TPRX1: variants seen among roughly 807,000 people sequenced by gnomAD.
TPRX1 encodes tetra-peptide repeat homeobox protein 1.
In TPRX1, 2 loss-of-function variants were observed where a neutral mutation model predicts 8.1. That is an observed-to-expected ratio of 0.25 (90% CI 0.10 to 0.78). The LOEUF is 0.78. Among genes scored for constraint, TPRX1 ranks in the 30% least tolerant of loss-of-function variants. The pLI, the probability that TPRX1 is intolerant of heterozygous loss-of-function variation, is 0.70. For synonymous variants in TPRX1, 257 were observed against 254.1 expected (o/e 1.01, Z -0.11); for missense variants, 517 against 586.9 (o/e 0.88, Z 1.23).
At chr19:47,809,758 C>T (rs914143328) in intron 2 of TPRX1, among the ~76,000 whole-genome samples, 11 of 152,114 alleles carry the variant, frequency 7.2e-5, no homozygotes, top group African/African-American at 2.7e-4. Flanking sequence ...CGTCAACACC[C>T]TGCCCACAGA....
At chr19:47,813,367 AC>A (rs1412602076) in intron 2 of TPRX1, among the ~76,000 whole-genome samples, 2 of 151,554 alleles carry the variant, frequency 1.3e-5, no homozygotes, top group Admixed American at 6.6e-5. Context: ...AAAGCCCACG[AC>A]CCCCCCAAAA....
chr19:47,816,813 T>C (rs1967848107), intron 2 of TPRX1, among the ~76,000 whole-genome samples: 1 of 152,082 alleles, frequency 6.6e-6, no homozygotes, highest in Admixed American at 6.6e-5. Context: ...ATTACAGGCG[T>C]GAGCCACCAC....
At chr19:47,811,779 G>A (rs1967786229) in intron 2 of TPRX1, among the ~76,000 whole-genome samples, 1 of 151,820 alleles carries the variant, frequency 6.6e-6, no homozygotes, top group Non-Finnish European at 1.5e-5. Flanking sequence ...TTACAGGCGT[G>A]AGCCACCGCG....
At chr19:47,816,602 G>A (rs1368563942) in intron 2 of TPRX1, among the ~76,000 whole-genome samples, 5 of 145,446 alleles carry the variant, frequency 3.4e-5, no homozygotes, top group Admixed American at 2.2e-4. Context: ...GCACAATCTC[G>A]GCTCACTGCA....
At chr19:47,816,839 A>T (rs1312568461) in intron 2 of TPRX1, among the ~76,000 whole-genome samples, 1 of 152,112 alleles carries the variant, frequency 6.6e-6, no homozygotes, top group African/African-American at 2.4e-5. Flanking sequence ...GCCCACTGTG[A>T]GCTTTTCTTT....
At chr19:47,806,199 G>A (rs1372197847) in intron 2 of TPRX1, among the ~76,000 whole-genome samples, 1 of 149,466 alleles carries the variant, frequency 6.7e-6, no homozygotes, top group Non-Finnish European at 1.5e-5. Flanking sequence ...TCCAGCCTGG[G>A]CAACAGAGTG....
intron 2 of TPRX1, among the ~76,000 whole-genome samples, chr19:47,812,471 T>G (rs1967792619): frequency 6.6e-6 from 1 of 151,904 alleles, no homozygotes; most frequent in Non-Finnish European, 1.5e-5. Flanking sequence ...TGGTGGCTCA[T>G]GCCTGTAATC....
At chr19:47,811,660 A>G (rs940843178) in intron 2 of TPRX1, among the ~76,000 whole-genome samples, 31 of 150,150 alleles carry the variant, frequency 2.1e-4, no homozygotes, top group Non-Finnish European at 3.9e-4. Flanking sequence ...CACCACGCCC[A>G]GCTAATTTTT....
At chr19:47,804,316 A>G (rs954797958) in intron 2 of TPRX1, among the ~76,000 whole-genome samples, 199 bp downstream of exon 1, 2 of 151,934 alleles carry the variant, frequency 1.3e-5, no homozygotes, top group Non-Finnish European at 2.9e-5. Flanking sequence ...TGGCTTCCCA[A>G]AGAGCTGGGA....
intron 2 of TPRX1, among the ~76,000 whole-genome samples, chr19:47,811,293 C>T (rs1409566124): frequency 6.6e-6 from 1 of 151,750 alleles, no homozygotes; most frequent in Non-Finnish European, 1.5e-5. Context: ...TGTGAGCCAC[C>T]GCACCTGGCC....
At chr19:47,807,975 T>C (rs1047019879) in intron 2 of TPRX1, among the ~76,000 whole-genome samples, 21 of 152,206 alleles carry the variant, frequency 1.4e-4, no homozygotes, top group African/African-American at 4.8e-4. Context: ...GTTGCCCAGA[T>C]TGGAGTGCAG....
chr19:47,802,596 T>G (rs1375587753), exon 4 of TPRX1: 5 of 1,548,108 alleles, frequency 3.2e-6, no homozygotes, highest in Non-Finnish European at 4.4e-6. Context: ...GGGCCTGAAA[T>G]TGGGCCTGGG....
At chr19:47,805,282 T>C (rs932333782) in intron 2 of TPRX1, among the ~76,000 whole-genome samples, 2 of 152,166 alleles carry the variant, frequency 1.3e-5, no homozygotes, top group Admixed American at 6.5e-5. Flanking sequence ...GCTCGTGTGC[T>C]GGGTTCACAT....
At chr19:47,815,125 T>TATATATATGCAAATATATATATATGCAA (rs1555800017) in intron 2 of TPRX1, among the ~76,000 whole-genome samples, 1 of 97,430 alleles carries the variant, frequency 1.0e-5, no homozygotes, top group African/African-American at 3.9e-5. Context: ...TATATATATA[T>TATATATATGCAAATATATATATATGCAA]ATATATATAT....
chr19:47,802,789 G>T (rs1967691807), exon 4 of TPRX1: 1 of 1,604,580 alleles, frequency 6.2e-7, no homozygotes, highest in East Asian at 2.2e-5. Context: ...CCCAGGCCTG[G>T]TGGAGGCTGC....
chr19:47,816,601 C>T (rs978197642), intron 2 of TPRX1, among the ~76,000 whole-genome samples: 3 of 146,476 alleles, frequency 2.0e-5, no homozygotes, highest in Non-Finnish European at 3.0e-5. Flanking sequence ...GGCACAATCT[C>T]GGCTCACTGC....
At chr19:47,815,163 T>TATGCAAATATATATATATATA (rs201060804) in intron 2 of TPRX1, among the ~76,000 whole-genome samples, 11 of 86,284 alleles carry the variant, frequency 1.3e-4, no homozygotes, top group African/African-American at 6.2e-4. Flanking sequence ...TATATATATA[T>TATGCAAATATATATATATATA]TTTTTTTTTT....
intron 2 of TPRX1, among the ~76,000 whole-genome samples, chr19:47,815,114 T>TATATATATATATATA (rs1967819232): frequency 3.2e-5 from 2 of 63,390 alleles, no homozygotes; most frequent in Non-Finnish European, 5.5e-5. Context: ...AATAGATAAA[T>TATATATATATATATA]TATATATATA....
At position 47,801,832 on chromosome 19, in the gene TPRX1, C is replaced by T. The variant is rs772787247; in HGVS notation, c.1470G>A (p.Glu490=). 9 of 1,614,176 alleles carry T rather than the reference C, an allele frequency of 5.6e-6. No homozygotes were observed. The Admixed American group carries it at 1.5e-4, about 27-fold the overall frequency. ...GATTTTCATTCACAGAGCCACCCTC[C>T]TCTTGGGGCTGAGACCCTGAGTGTT... The change falls in exon 4 of 4, where the codon GAG becomes GAA. Residue 490 remains glutamate, a synonymous_variant. Transcript: ENST00000535759.
Sources: allele counts gnomAD v4.1 joint callset (sites outside exome capture counted in the v4.1 genomes callset), GRCh38; gene constraint gnomAD v4.1.1; transcripts MANE v1.5; gene names NCBI Gene and HGNC (gene_info 2026-07-23, HGNC 2026-07-21).